Variants in PDZD2 observed in about 807,000 individuals in gnomAD.
The protein encoded by PDZD2 is PDZ domain-containing protein 2.
In PDZD2, 90 loss-of-function variants were observed where a neutral mutation model predicts 220.7. The ratio of observed to expected loss-of-function variants is 0.41; its 90% CI spans 0.34 to 0.49. PDZD2 has a LOEUF of 0.49. PDZD2 is among the 20% of genes least tolerant of loss of function. PDZD2 has a pLI of 0.28. For synonymous variants in PDZD2, 1,375 were observed against 1,450.5 expected (o/e 0.95, Z 1.18); for missense variants, 3,174 against 3,608.5 (o/e 0.88, Z 3.08).
At chr5:31,751,300 A>G (rs1750957635) in intron 1 of PDZD2, among the ~76,000 whole-genome samples, 2 of 151,476 alleles carry the variant, frequency 1.3e-5, no homozygotes, top group African/African-American at 4.9e-5. Context: ...AGTGTGGAGA[A>G]TAGGCGATGG....
intron 1 of PDZD2, among the ~76,000 whole-genome samples, chr5:31,769,906 G>T (rs1374258882): frequency 6.6e-6 from 1 of 152,036 alleles, no homozygotes; most frequent in African/African-American, 2.4e-5. Context: ...GTTTTGTTTT[G>T]TTTTTTTCTT....
chr5:31,847,782 C>A, intron 2 of PDZD2: 2 of 582,578 alleles, frequency 3.4e-6, no homozygotes, highest in Non-Finnish European at 3.3e-6. Flanking sequence ...GCTTGTCTAT[C>A]CCTTGCAGTA....
At chr5:31,731,013 C>T (rs193228175) in intron 1 of PDZD2, among the ~76,000 whole-genome samples, 20 of 152,330 alleles carry the variant, frequency 1.3e-4, no homozygotes, top group Admixed American at 1.3e-3. Flanking sequence ...AAATACTTCT[C>T]ATGCCTCTGT....
chr5:31,986,263 A>G (rs1333735969), intron 3 of PDZD2, among the ~76,000 whole-genome samples: 3 of 152,116 alleles, frequency 2.0e-5, no homozygotes, highest in African/African-American at 4.8e-5. Context: ...GCATGCCTAT[A>G]GAAAGGGGAG....
intron 2 of PDZD2, among the ~76,000 whole-genome samples, chr5:31,910,041 T>TAC (rs1277797730): frequency 3.3e-5 from 5 of 152,122 alleles, no homozygotes; most frequent in African/African-American, 1.2e-4. Context: ...ATCGGTGCCT[T>TAC]ACATGTATTA....
At chr5:31,837,965 T>C (rs1757047998) in intron 2 of PDZD2, among the ~76,000 whole-genome samples, 1 of 152,054 alleles carries the variant, frequency 6.6e-6, no homozygotes, top group South Asian at 2.1e-4. Flanking sequence ...AGCAAGAAAA[T>C]GTATATACAC....
intron 2 of PDZD2, among the ~76,000 whole-genome samples, chr5:31,864,326 CT>C (rs562014330): frequency 6.6e-5 from 10 of 152,338 alleles, no homozygotes; most frequent in African/African-American, 1.9e-4. Flanking sequence ...TGCACTCTGC[CT>C]GTCTCCGGTC....
chr5:31,930,196 C>CT lies in PDZD2; in HGVS notation c.477-52931dup, dbSNP rs760145512. ...TGTACATTACCCAGTCTCAGGTATT[C>CT]TTTTTTTTTTTTTTTTTTTTTTTTT... is the stretch of plus-strand genomic sequence containing the variant. On this transcript the variant is annotated intron_variant, in intron 2 of 24. Coordinates refer to ENST00000438447, the MANE Select transcript of PDZD2 (RefSeq NM_178140.4). Among the ~76,000 whole-genome samples the CT allele has an allele frequency of 4.5e-3, 457 of 102,512 alleles. 24 individuals carry two copies. The highest frequency in any genetic ancestry group is 0.012 in the African/African-American group (305 of 25,312). The allele number at this position is 102,512 out of a possible 152,430, so 67.3% of individuals were successfully genotyped here.
chr5:31,713,062 A>C (rs1355132017), intron 1 of PDZD2, among the ~76,000 whole-genome samples: 1 of 152,234 alleles, frequency 6.6e-6, no homozygotes, highest in African/African-American at 2.4e-5. Flanking sequence ...GTCAAGCTTC[A>C]GTGCCATAAT....
intron 1 of PDZD2, among the ~76,000 whole-genome samples, chr5:31,750,114 C>T (rs1361421278): frequency 6.6e-6 from 1 of 152,210 alleles, no homozygotes; most frequent in Non-Finnish European, 1.5e-5. Context: ...CATCATCTGC[C>T]AGGAATCCCC....
chr5:31,685,725 T>C (rs1399486750), intron 1 of PDZD2, among the ~76,000 whole-genome samples: 2 of 152,062 alleles, frequency 1.3e-5, no homozygotes, highest in African/African-American at 4.8e-5. Flanking sequence ...GGTTTCACCA[T>C]GTTGCCAAGG....
At chr5:32,050,865 G>C (rs1324956123) in intron 8 of PDZD2, among the ~76,000 whole-genome samples, 2 of 152,112 alleles carry the variant, frequency 1.3e-5, no homozygotes. Context: ...ATCTAGATTT[G>C]ACCTCTCCAG....
intron 1 of PDZD2, chr5:31,744,186 A>G (rs971357333): frequency 2.0e-5 from 3 of 152,212 alleles, no homozygotes; most frequent in Admixed American, 1.3e-4. Flanking sequence ...TTTAAGGTCT[A>G]TGGCTTGGTT....
chr5:32,080,497 C>T (rs1224157214), intron 19 of PDZD2, among the ~76,000 whole-genome samples: 1 of 151,920 alleles, frequency 6.6e-6, no homozygotes. Context: ...GCATGTTCTA[C>T]ATAATGGTCC....
chr5:31,800,122 G>A lies in PDZD2; in HGVS notation c.476+398G>A, dbSNP rs550679699. ...TGGACTGTCTTGGTGTTTCCCAGGT[G>A]AATCAGGGAACAAGACCCCAAGGGC... On this transcript the variant is annotated intron_variant, in intron 2 of 24. Transcript: ENST00000438447. 2.0e-5 allele frequency among the ~76,000 whole-genome samples: 3 copies of A among 152,296 alleles called. No individual in the cohort carries two copies. The South Asian group carries it at 6.2e-4, about 32-fold the overall frequency.
chr5:31,802,837 C>G (rs957778357), intron 2 of PDZD2, among the ~76,000 whole-genome samples: 6 of 147,422 alleles, frequency 4.1e-5, no homozygotes. Flanking sequence ...GGAGAATGGC[C>G]TGAACCCAGG....
At chr5:31,716,914 G>C (rs937843079) in intron 1 of PDZD2, among the ~76,000 whole-genome samples, 2 of 152,310 alleles carry the variant, frequency 1.3e-5, no homozygotes, top group African/African-American at 4.8e-5. Flanking sequence ...AGGGCAGGGG[G>C]CCCTGTGTGA....
chr5:31,827,709 A>AT (rs60679810), intron 2 of PDZD2, among the ~76,000 whole-genome samples: 3 of 144,308 alleles, frequency 2.1e-5, no homozygotes, highest in African/African-American at 2.5e-5. Context: ...ATAAATAAAT[A>AT]AAAAAATAAA....
chr5:31,702,434 C>G (rs1192789944), intron 1 of PDZD2, among the ~76,000 whole-genome samples: 2 of 152,190 alleles, frequency 1.3e-5, no homozygotes, highest in African/African-American at 2.4e-5. Context: ...GTCCGATTCT[C>G]CCTTTATTTT....
Sources: allele counts gnomAD v4.1 joint callset (sites outside exome capture counted in the v4.1 genomes callset), GRCh38; gene constraint gnomAD v4.1.1; transcripts MANE v1.5; gene names NCBI Gene and HGNC (gene_info 2026-07-23, HGNC 2026-07-21).